Variants in CCDC30 observed in about 807,000 individuals in gnomAD.
CCDC30 encodes the protein coiled-coil domain containing 30.
A neutral mutation model predicts 100.2 loss-of-function variants in CCDC30; 70 were observed. That is an observed-to-expected ratio of 0.70 (90% CI 0.58 to 0.85). The LOEUF (loss-of-function observed/expected upper bound fraction) is 0.85. Ranked by LOEUF, CCDC30 falls within the 40% of genes least tolerant of loss-of-function variation. The probability of loss-of-function intolerance (pLI) is 0.00; values close to 1 mark genes in which losing one functional copy is unlikely to be tolerated. For missense variants in CCDC30, 652 were observed against 771.2 expected (o/e 0.85, Z 1.83); for synonymous variants, 233 against 269.5 (o/e 0.86, Z 1.33).
At chr1:42,553,096 G>A (rs1427361703) in intron 6 of CCDC30, among the ~76,000 whole-genome samples, 1 of 152,150 alleles carries the variant, frequency 6.6e-6, no homozygotes, top group Non-Finnish European at 1.5e-5. Context: ...TTTCTGTGAC[G>A]TTCAGCTGGA....
chr1:42,595,228 C>T (rs1041401572), intron 10 of CCDC30: 1 of 152,040 alleles, frequency 6.6e-6, no homozygotes, highest in Non-Finnish European at 1.5e-5. Flanking sequence ...AAATGGTGGT[C>T]CTGGCAAAAG....
At chr1:42,501,134 T>G (rs768148201) in intron 6 of CCDC30, among the ~76,000 whole-genome samples, 1 of 152,212 alleles carries the variant, frequency 6.6e-6, no homozygotes, top group Non-Finnish European at 1.5e-5. Context: ...TTCTTATACT[T>G]TCTTCTAAAT....
chr1:42,555,857 T>G (rs560359686), intron 6 of CCDC30, among the ~76,000 whole-genome samples: 1 of 152,182 alleles, frequency 6.6e-6, no homozygotes, highest in South Asian at 2.1e-4. Flanking sequence ...ACCTGGCTAA[T>G]TTTTGTACTT....
chr1:42,461,371 A>T (rs1643405930), upstream of CCDC30, among the ~76,000 whole-genome samples: 1 of 152,126 alleles, frequency 6.6e-6, no homozygotes, highest in African/African-American at 2.4e-5. Flanking sequence ...GGTCATGCTT[A>T]GTCACCCAGG....
At chr1:42,536,332 A>G (rs781261508) in intron 6 of CCDC30, 144 bp from the exon 7 acceptor site, 1 of 506,026 alleles carries the variant, frequency 2.0e-6, no homozygotes, top group East Asian at 3.1e-5. Flanking sequence ...AGAAAAATGT[A>G]TCTTATGAGC....
downstream of CCDC30, among the ~76,000 whole-genome samples, chr1:42,656,879 A>G (rs1435955320): frequency 9.8e-5 from 15 of 152,330 alleles, no homozygotes; most frequent in South Asian, 2.9e-3. Context: ...TTATCAATGT[A>G]CTATTTTTTT....
intron 11 of CCDC30, among the ~76,000 whole-genome samples, chr1:42,628,982 T>C (rs1412360361): frequency 6.6e-6 from 1 of 152,256 alleles, no homozygotes; most frequent in Non-Finnish European, 1.5e-5. Context: ...TTATATCTTA[T>C]TGTACTATGT....
chr1:42,488,381 G>A (rs1438775678), intron 3 of CCDC30, among the ~76,000 whole-genome samples: 2 of 151,992 alleles, frequency 1.3e-5, no homozygotes, highest in South Asian at 2.1e-4. Flanking sequence ...ACAGTGGCAC[G>A]ATCATCACTT....
At chr1:42,611,350 A>G (rs955880863) in intron 11 of CCDC30, among the ~76,000 whole-genome samples, 2 of 152,152 alleles carry the variant, frequency 1.3e-5, no homozygotes, top group Non-Finnish European at 2.9e-5. Context: ...TTTTTCCCCA[A>G]ATACACCCTT....
chr1:42,555,226 G>T (rs1290459327), intron 6 of CCDC30, among the ~76,000 whole-genome samples: 1 of 152,036 alleles, frequency 6.6e-6, no homozygotes, highest in Non-Finnish European at 1.5e-5. Flanking sequence ...CTTTTGCTTC[G>T]GGGTTTTACA....
intron 6 of CCDC30, among the ~76,000 whole-genome samples, chr1:42,547,912 A>T (rs1217524868): frequency 6.6e-6 from 1 of 152,232 alleles, no homozygotes; most frequent in Non-Finnish European, 1.5e-5. Flanking sequence ...ACAAGGCAGT[A>T]CTGAGTACTA....
At chr1:42,581,605 G>GTA (rs1280777712) in intron 9 of CCDC30, 91 bp downstream of exon 13, 2 of 1,211,450 alleles carry the variant, frequency 1.7e-6, no homozygotes, top group African/African-American at 3.1e-5. Flanking sequence ...ATATCAGAGA[G>GTA]TATTTCTGCT....
intron 6 of CCDC30, among the ~76,000 whole-genome samples, chr1:42,532,529 GCCACA>G (rs1644821542): frequency 6.6e-6 from 1 of 152,086 alleles, no homozygotes; most frequent in Non-Finnish European, 1.5e-5. Context: ...GAAAATAATA[GCCACA>G]ATATATTGAG....
chr1:42,637,377 AG>A lies in CCDC30; in HGVS notation c.1419+1del, dbSNP rs778765492. The A allele has an allele frequency of 6.2e-7, 1 of 1,605,872 alleles. No homozygotes were observed. Among genetic ancestry groups the A allele is most frequent in the Non-Finnish European group, 8.5e-7 (1 of 1,177,686 alleles). On this transcript the variant is annotated frameshift_variant and splice_region_variant, in exon 12 of 17. Coordinates refer to ENST00000668663, the Ensembl canonical transcript of CCDC30. LOFTEE classifies it high-confidence loss of function. ...GGAATCCTGCAACATAAAATAGAAA[AG>A]GTGAGGAAAAAATAAAAGGTGAAGA... is the stretch of plus-strand genomic sequence containing the variant.
intron 9 of CCDC30, among the ~76,000 whole-genome samples, chr1:42,588,240 G>A (rs2762695): frequency 0.6 from 91,375 of 151,980 alleles, 27,947 homozygotes; most frequent in East Asian, 0.81. Flanking sequence ...TGTAATTTCT[G>A]TGGGACAGTT....
chr1:42,599,235 A>T (rs1017521689), intron 10 of CCDC30, among the ~76,000 whole-genome samples: 2 of 152,206 alleles, frequency 1.3e-5, no homozygotes, highest in Non-Finnish European at 2.9e-5. Flanking sequence ...GCTTATGTGT[A>T]AGTGAAATTA....
chr1:42,512,447 G>A (rs934583538), intron 6 of CCDC30, among the ~76,000 whole-genome samples: 6 of 152,250 alleles, frequency 3.9e-5, no homozygotes, highest in African/African-American at 9.6e-5. Context: ...TCACTGTGGC[G>A]GGTGGGGGGA....
intron 7 of CCDC30, among the ~76,000 whole-genome samples, chr1:42,575,424 C>A (rs1645812574): frequency 6.6e-6 from 1 of 151,828 alleles, no homozygotes; most frequent in African/African-American, 2.4e-5. Flanking sequence ...CCGAGGCGGG[C>A]AGATCACAAG....
intron 6 of CCDC30, among the ~76,000 whole-genome samples, chr1:42,544,435 G>A (rs1040552078): frequency 6.6e-6 from 1 of 152,124 alleles, no homozygotes. Flanking sequence ...TTCCATTTCC[G>A]CCCCCAGACC....
Sources: gnomAD v4.1 joint callset for allele counts (sites outside exome capture counted in the v4.1 genomes callset) on GRCh38, gnomAD v4.1.1 for gene constraint, MANE v1.5 for transcripts, NCBI Gene and HGNC (gene_info 2026-07-23, HGNC 2026-07-21) for gene names.